The following KCNQ5 variants were observed in gnomAD, a reference collection of about 807,000 sequenced individuals.
KCNQ5 encodes potassium voltage-gated channel subfamily Q member 5.
Under a neutral mutation model 98.2 loss-of-function variants are expected in KCNQ5, and 30 were observed. The ratio of observed to expected loss-of-function variants is 0.31; its 90% CI spans 0.23 to 0.41. The LOEUF (loss-of-function observed/expected upper bound fraction) is 0.41. Among genes scored for constraint, KCNQ5 ranks in the 10% least tolerant of loss-of-function variants. KCNQ5 has a pLI of 1.00. For missense variants in KCNQ5, 835 were observed against 1,182.5 expected (o/e 0.71, Z 4.31); for synonymous variants, 458 against 449.4 (o/e 1.02, Z -0.24).
At chr6:72,733,979 A>C (rs922142971) in intron 1 of KCNQ5, among the ~76,000 whole-genome samples, 1 of 138,938 alleles carries the variant, frequency 7.2e-6, no homozygotes, top group African/African-American at 3.1e-5. Flanking sequence ...AGTTCTCCCA[A>C]ATAGGTGTGA....
chr6:72,860,449 C>T (rs768666821), intron 1 of KCNQ5, among the ~76,000 whole-genome samples: 1 of 152,126 alleles, frequency 6.6e-6, no homozygotes, highest in African/African-American at 2.4e-5. Flanking sequence ...CTTTGGCTTA[C>T]TTAATCTTTC....
chr6:73,138,460 G>A (rs754343182), intron 10 of KCNQ5, among the ~76,000 whole-genome samples: 28 of 152,236 alleles, frequency 1.8e-4, no homozygotes, highest in Non-Finnish European at 3.5e-4. Flanking sequence ...CAGTGAAGGA[G>A]AAGGACGTAG....
chr6:72,870,744 C>T (rs998487895), intron 1 of KCNQ5, among the ~76,000 whole-genome samples: 1 of 151,914 alleles, frequency 6.6e-6, no homozygotes, highest in Non-Finnish European at 1.5e-5. Context: ...TTTGAATGCC[C>T]CTATACCTAA....
intron 2 of KCNQ5, among the ~76,000 whole-genome samples, chr6:73,031,681 C>T (rs1222733992): frequency 1.3e-5 from 2 of 152,198 alleles, no homozygotes; most frequent in African/African-American, 4.8e-5. Context: ...AGATTATAAA[C>T]TCCTCGAGGG....
intron 1 of KCNQ5, among the ~76,000 whole-genome samples, chr6:72,819,369 C>T (rs183899543): frequency 1.3e-5 from 2 of 151,996 alleles, no homozygotes; most frequent in East Asian, 3.9e-4. Context: ...TATAGTCGCC[C>T]AGCAATAAAG....
chr6:73,104,554 C>T (rs1183256905), intron 5 of KCNQ5, among the ~76,000 whole-genome samples: 4 of 152,178 alleles, frequency 2.6e-5, no homozygotes, highest in Non-Finnish European at 5.9e-5. Context: ...CTAGCCACCT[C>T]TTTCTCCTCC....
intron 1 of KCNQ5, among the ~76,000 whole-genome samples, chr6:72,637,881 C>T (rs2098925103): frequency 6.6e-6 from 1 of 152,170 alleles, no homozygotes; most frequent in Admixed American, 6.5e-5. Context: ...TTTGGGGAAA[C>T]AGTTTTAACA....
At chr6:72,739,609 C>A (rs1193787913) in intron 1 of KCNQ5, among the ~76,000 whole-genome samples, 2 of 152,156 alleles carry the variant, frequency 1.3e-5, no homozygotes, top group Non-Finnish European at 2.9e-5. Context: ...AATACAGAAA[C>A]CACTTTTTAC....
intron 1 of KCNQ5, among the ~76,000 whole-genome samples, chr6:72,732,127 C>T (rs1170672108): frequency 6.6e-6 from 1 of 152,014 alleles, no homozygotes; most frequent in Non-Finnish European, 1.5e-5. Context: ...ACAGTTGGTA[C>T]AGGGGTCACA....
chr6:72,937,189 T>G (rs1429994493), intron 1 of KCNQ5, among the ~76,000 whole-genome samples: 1 of 152,218 alleles, frequency 6.6e-6, no homozygotes, highest in Non-Finnish European at 1.5e-5. Flanking sequence ...CAGAGATGCT[T>G]TAAAATTCTT....
chr6:73,175,091 A>G (rs1778161378), intron 11 of KCNQ5, among the ~76,000 whole-genome samples: 1 of 151,226 alleles, frequency 6.6e-6, no homozygotes, highest in African/African-American at 2.4e-5. Flanking sequence ...AGCACTTGCC[A>G]TTTTCCCCTT....
intron 1 of KCNQ5, among the ~76,000 whole-genome samples, chr6:72,904,975 T>G (rs1022310723): frequency 6.6e-6 from 1 of 152,116 alleles, no homozygotes; most frequent in African/African-American, 2.4e-5. Flanking sequence ...GTTTCCCAAA[T>G]GTTTAGATTT....
intron 2 of KCNQ5, among the ~76,000 whole-genome samples, chr6:73,031,181 T>C (rs954151471): frequency 6.6e-6 from 1 of 152,104 alleles, no homozygotes; most frequent in African/African-American, 2.4e-5. Flanking sequence ...GCTAGTAAAA[T>C]GTAAAAAGAG....
chr6:72,938,122 C>A (rs1330021014), intron 1 of KCNQ5, among the ~76,000 whole-genome samples: 2 of 152,162 alleles, frequency 1.3e-5, no homozygotes, highest in Admixed American at 1.3e-4. Flanking sequence ...GAGCAGAGAG[C>A]ACTGTGTCCC....
At chr6:72,660,675 T>C (rs1169048098) in intron 1 of KCNQ5, among the ~76,000 whole-genome samples, 1 of 152,198 alleles carries the variant, frequency 6.6e-6, no homozygotes, top group African/African-American at 2.4e-5. Context: ...AATTCTACTA[T>C]TGATGTCCTA....
chr6:73,109,161 C>T (rs561497283), intron 6 of KCNQ5, among the ~76,000 whole-genome samples: 60 of 152,220 alleles, frequency 3.9e-4, no homozygotes, highest in African/African-American at 1.2e-3. Flanking sequence ...TACAGTCTGG[C>T]ACAAGAAATA....
intron 10 of KCNQ5, among the ~76,000 whole-genome samples, chr6:73,159,858 T>G (rs1777538790): frequency 6.6e-6 from 1 of 152,228 alleles, no homozygotes; most frequent in Non-Finnish European, 1.5e-5. Context: ...GTAATTTAGT[T>G]ATTGTGGGTA....
chr6:72,848,209 T>G (rs1369276846), intron 1 of KCNQ5, among the ~76,000 whole-genome samples: 1 of 151,910 alleles, frequency 6.6e-6, no homozygotes, highest in African/African-American at 2.4e-5. Flanking sequence ...TTTTCTTACT[T>G]AAAGTTCCGG....
intron 2 of KCNQ5, among the ~76,000 whole-genome samples, chr6:73,041,155 G>A (rs867579198): frequency 2.8e-4 from 42 of 152,266 alleles, no homozygotes; most frequent in Non-Finnish European, 5.4e-4. Flanking sequence ...AAATGCTTTC[G>A]TTTTACAAAT....
Sources: allele counts gnomAD v4.1 joint callset (sites outside exome capture counted in the v4.1 genomes callset), GRCh38; gene constraint gnomAD v4.1.1; transcripts MANE v1.5; gene names NCBI Gene and HGNC (gene_info 2026-07-23, HGNC 2026-07-21).